The following SLC41A2 variants were observed in gnomAD, a reference collection of about 807,000 sequenced individuals.
SLC41A2 encodes the protein SLC41A1-like 1.
Under a neutral mutation model 58.3 loss-of-function variants are expected in SLC41A2, and 32 were observed. The ratio of observed to expected loss-of-function variants is 0.55; its 90% CI spans 0.41 to 0.74. The LOEUF is 0.74. Ranked by LOEUF, SLC41A2 falls within the 30% of genes least tolerant of loss-of-function variation. The pLI, the probability that SLC41A2 is intolerant of heterozygous loss-of-function variation, is 0.00. For missense variants in SLC41A2, 514 were observed against 680.6 expected (o/e 0.76, Z 2.72); for synonymous variants, 190 against 235.0 (o/e 0.81, Z 1.75).
chr12:104,840,148 A>G (rs1241347726), intron 10 of SLC41A2, among the ~76,000 whole-genome samples: 1 of 152,210 alleles, frequency 6.6e-6, no homozygotes, highest in Non-Finnish European at 1.5e-5. Context: ...CCTTCGTTAC[A>G]TCTTAAAAGG....
chr12:104,884,126 A>G (rs2044532406), intron 6 of SLC41A2, among the ~76,000 whole-genome samples: 2 of 152,212 alleles, frequency 1.3e-5, no homozygotes, highest in Admixed American at 1.3e-4. Context: ...GCAAGGCTCC[A>G]TGGGTGTGGG....
At chr12:104,878,431 T>C (rs1001815997) in intron 6 of SLC41A2, among the ~76,000 whole-genome samples, 1 of 151,804 alleles carries the variant, frequency 6.6e-6, no homozygotes, top group African/African-American at 2.4e-5. Context: ...TCATTAACAT[T>C]AGGTATTTCT....
intron 6 of SLC41A2, among the ~76,000 whole-genome samples, chr12:104,878,972 C>T (rs1270032426): frequency 6.6e-6 from 1 of 152,198 alleles, no homozygotes; most frequent in Admixed American, 6.5e-5. Flanking sequence ...TCTCCAGCAC[C>T]TGTTGTTTCC....
chr12:104,838,789 T>G (rs1257022690), intron 10 of SLC41A2, among the ~76,000 whole-genome samples: 2 of 152,200 alleles, frequency 1.3e-5, no homozygotes, highest in Admixed American at 6.5e-5. Context: ...TCTGGCTGTT[T>G]CATGCATTTC....
At chr12:104,863,632 T>C (rs2043294846) in intron 7 of SLC41A2, among the ~76,000 whole-genome samples, 2 of 152,148 alleles carry the variant, frequency 1.3e-5, no homozygotes, top group South Asian at 4.1e-4. Flanking sequence ...ATTTAGCAAA[T>C]GACTTCCTAC....
chr12:104,894,299 G>A (rs2045173724), intron 4 of SLC41A2, among the ~76,000 whole-genome samples: 1 of 148,630 alleles, frequency 6.7e-6, no homozygotes, highest in Non-Finnish European at 1.5e-5. Flanking sequence ...GCTGCAGTGA[G>A]CCATGACTGC....
intron 10 of SLC41A2, among the ~76,000 whole-genome samples, chr12:104,813,439 A>G (rs2041259894): frequency 2.6e-5 from 4 of 152,146 alleles, no homozygotes; most frequent in Admixed American, 2.6e-4. Flanking sequence ...ATCCTCGTCT[A>G]TGACAACTAG....
chr12:104,878,208 A>T (rs1367841897), intron 6 of SLC41A2, among the ~76,000 whole-genome samples: 1 of 151,066 alleles, frequency 6.6e-6, no homozygotes, highest in Non-Finnish European at 1.5e-5. Context: ...AACTGAGGAG[A>T]TATCTGGTAT....
At chr12:104,895,518 A>G (rs1262418435) in intron 3 of SLC41A2, among the ~76,000 whole-genome samples, 173 bp from the exon 4 acceptor site, 3 of 152,206 alleles carry the variant, frequency 2.0e-5, no homozygotes, top group African/African-American at 7.2e-5. Context: ...AGCTAACGCT[A>G]GGCTTGACTA....
At chr12:104,947,291 C>T (rs1368948856) in intron 1 of SLC41A2, among the ~76,000 whole-genome samples, 2 of 149,162 alleles carry the variant, frequency 1.3e-5, no homozygotes, top group South Asian at 2.1e-4. Context: ...GCAACCTCCA[C>T]CTCCTGGGTT....
chr12:104,949,811 G>A (rs563520495), intron 1 of SLC41A2, among the ~76,000 whole-genome samples: 14 of 152,126 alleles, frequency 9.2e-5, no homozygotes, highest in South Asian at 2.1e-4. Context: ...TCGAACTCCC[G>A]ACCTCAGGTG....
intron 1 of SLC41A2, among the ~76,000 whole-genome samples, chr12:104,944,419 C>T (rs1315229007): frequency 6.6e-6 from 1 of 152,144 alleles, no homozygotes; most frequent in Admixed American, 6.5e-5. Context: ...CTGCACTTTC[C>T]GTAAATCAGT....
chr12:104,807,101 T>G (rs1217694351), intron 10 of SLC41A2, among the ~76,000 whole-genome samples: 10 of 152,254 alleles, frequency 6.6e-5, no homozygotes, highest in Non-Finnish European at 1.3e-4. Flanking sequence ...TGGCTTTTGT[T>G]GCCATTGCTT....
chr12:104,924,698 T>C (rs1227779458), intron 2 of SLC41A2, among the ~76,000 whole-genome samples: 1 of 151,532 alleles, frequency 6.6e-6, no homozygotes, highest in Admixed American at 6.6e-5. Flanking sequence ...GAGGTGAGAC[T>C]GCACCATTGC....
At chr12:104,918,852 T>C (rs567562013) in intron 2 of SLC41A2, among the ~76,000 whole-genome samples, 12 of 152,250 alleles carry the variant, frequency 7.9e-5, no homozygotes, top group Non-Finnish European at 1.3e-4. Context: ...AGAGATCCCA[T>C]GTAACCCTTA....
At chr12:104,829,541 G>T (rs1018269651) in intron 10 of SLC41A2, among the ~76,000 whole-genome samples, 1 of 152,072 alleles carries the variant, frequency 6.6e-6, no homozygotes, top group East Asian at 1.9e-4. Flanking sequence ...GGAGGTGAAG[G>T]TAATATTCTG....
At chr12:104,896,375 T>A (rs996361026) in intron 3 of SLC41A2, among the ~76,000 whole-genome samples, 5 of 152,204 alleles carry the variant, frequency 3.3e-5, no homozygotes, top group Non-Finnish European at 5.9e-5. Context: ...ATTAATGCAG[T>A]CTTTATTTAC....
intron 2 of SLC41A2, among the ~76,000 whole-genome samples, chr12:104,915,421 GTT>G (rs1277428742): frequency 2.6e-5 from 4 of 152,116 alleles, no homozygotes; most frequent in Non-Finnish European, 5.9e-5. Context: ...TCTTCCATTT[GTT>G]TGTATCCTCT....
intron 2 of SLC41A2, among the ~76,000 whole-genome samples, chr12:104,922,996 T>C (rs991066163): frequency 6.6e-6 from 1 of 151,526 alleles, no homozygotes; most frequent in Non-Finnish European, 1.5e-5. Context: ...AAAATGAAAA[T>C]ACAACATGTC....
Sources: allele counts gnomAD v4.1 joint callset (sites outside exome capture counted in the v4.1 genomes callset), GRCh38; gene constraint gnomAD v4.1.1; transcripts MANE v1.5; gene names NCBI Gene and HGNC (gene_info 2026-07-23, HGNC 2026-07-21).